The following CCSER1 variants were observed in gnomAD, a reference collection of about 807,000 sequenced individuals.
CCSER1 encodes coiled-coil serine rich protein 1, also known as serine-rich coiled-coil domain-containing protein 1.
Under a neutral mutation model 82.0 loss-of-function variants are expected in CCSER1, and 41 were observed. That is an observed-to-expected ratio of 0.50 (90% CI 0.39 to 0.65). The LOEUF is 0.65. Among genes scored for constraint, CCSER1 ranks in the 30% least tolerant of loss-of-function variants. The pLI, the probability that CCSER1 is intolerant of heterozygous loss-of-function variation, is 0.00. For missense variants in CCSER1, 1,119 were observed against 1,064.2 expected (o/e 1.05, Z -0.72); for synonymous variants, 414 against 383.9 (o/e 1.08, Z -0.92).
At chr4:90,474,097 C>T (rs534482937) in intron 5 of CCSER1, among the ~76,000 whole-genome samples, 13 of 150,472 alleles carry the variant, frequency 8.6e-5, no homozygotes, top group African/African-American at 2.7e-4. Context: ...GCCGAGATTG[C>T]GCCACTGCAC....
At chr4:91,338,090 A>T (rs139139431) in intron 10 of CCSER1, among the ~76,000 whole-genome samples, 112 of 151,968 alleles carry the variant, frequency 7.4e-4, no homozygotes, top group African/African-American at 2.6e-3. Context: ...GTGAACACTG[A>T]CTCTTTAGGT....
At chr4:91,579,722 T>A (rs1323333118) in intron 10 of CCSER1, among the ~76,000 whole-genome samples, 1 of 151,806 alleles carries the variant, frequency 6.6e-6, no homozygotes, top group East Asian at 1.9e-4. Context: ...CTGCAATGAC[T>A]AATACCACAT....
At position 91,166,000 on chromosome 4, in the gene CCSER1, C is replaced by A. The variant is rs190447999; in HGVS notation, c.2217+80006C>A. Among the ~76,000 whole-genome samples, 62 of 152,280 alleles carry A rather than the reference C, an allele frequency of 4.1e-4. 2 individuals carry two copies. The South Asian group carries it at 0.013, about 31-fold the overall frequency. ...CCTCAGTAGGAAATGCAGAAATCAC[C>A]GTTTTCTGCGTTGATCACGCTGGGA... On this transcript the variant is annotated intron_variant, in intron 10 of 10. Coordinates refer to ENST00000509176, the MANE Select transcript of CCSER1 (RefSeq NM_001145065.2).
At chr4:91,558,660 C>T (rs1762513544) in intron 10 of CCSER1, among the ~76,000 whole-genome samples, 1 of 151,520 alleles carries the variant, frequency 6.6e-6, no homozygotes, top group Non-Finnish European at 1.5e-5. Flanking sequence ...ACATTTCTTA[C>T]ATGGTGGTGG....
chr4:90,157,929 C>T (rs185733131), intron 1 of CCSER1, among the ~76,000 whole-genome samples: 96 of 152,292 alleles, frequency 6.3e-4, no homozygotes, highest in African/African-American at 2.2e-3. Context: ...AACTATGTTC[C>T]TTTGGAGGAG....
intron 10 of CCSER1, among the ~76,000 whole-genome samples, chr4:91,102,093 G>T (rs1725127442): frequency 6.6e-6 from 1 of 152,012 alleles, no homozygotes; most frequent in African/African-American, 2.4e-5. Flanking sequence ...CGTGCAGATC[G>T]GTTTCAATTC....
intron 1 of CCSER1, among the ~76,000 whole-genome samples, chr4:90,135,462 C>T (rs529769142): frequency 6.6e-6 from 1 of 152,162 alleles, no homozygotes. Context: ...CCAGCAGACA[C>T]CAGAAAACAC....
chr4:90,361,228 A>C (rs1216894437), intron 3 of CCSER1, among the ~76,000 whole-genome samples: 1 of 152,230 alleles, frequency 6.6e-6, no homozygotes, highest in Admixed American at 6.5e-5. Flanking sequence ...AAAGTTAATT[A>C]TTAATTTACC....
chr4:90,739,859 G>T (rs1373635449), intron 7 of CCSER1, among the ~76,000 whole-genome samples: 1 of 152,150 alleles, frequency 6.6e-6, no homozygotes, highest in Non-Finnish European at 1.5e-5. Flanking sequence ...GGTGGTGTAG[G>T]TAATTCAAAA....
chr4:91,034,009 G>A (rs1175633582), intron 9 of CCSER1, among the ~76,000 whole-genome samples: 1 of 152,074 alleles, frequency 6.6e-6, no homozygotes, highest in Non-Finnish European at 1.5e-5. Flanking sequence ...AGCACCCTTT[G>A]GAATTGGTTT....
chr4:90,359,922 ATT>A (rs200405709), intron 3 of CCSER1, among the ~76,000 whole-genome samples: 11 of 136,590 alleles, frequency 8.1e-5, no homozygotes, highest in African/African-American at 2.4e-4. Flanking sequence ...TATGTATATA[ATT>A]TTTTTTTTTT....
intron 5 of CCSER1, among the ~76,000 whole-genome samples, chr4:90,479,788 T>G (rs185456989): frequency 0.015 from 2,351 of 152,328 alleles, 39 homozygotes; most frequent in African/African-American, 0.045. Flanking sequence ...GTTGGACATT[T>G]GGGTTGGGTC....
intron 9 of CCSER1, among the ~76,000 whole-genome samples, chr4:91,015,659 T>A (rs1008176427): frequency 4.6e-5 from 7 of 151,906 alleles, no homozygotes; most frequent in African/African-American, 1.7e-4. Flanking sequence ...AACAGGTACC[T>A]ATTATAAAAT....
chr4:90,142,827 T>C (rs1045653133), intron 1 of CCSER1, among the ~76,000 whole-genome samples: 11 of 152,168 alleles, frequency 7.2e-5, no homozygotes, highest in African/African-American at 2.7e-4. Flanking sequence ...AAAATTGTTA[T>C]GGTTTTGGTT....
chr4:91,004,606 T>A (rs1043562281), intron 9 of CCSER1, among the ~76,000 whole-genome samples: 1 of 152,192 alleles, frequency 6.6e-6, no homozygotes, highest in African/African-American at 2.4e-5. Flanking sequence ...AAAAGGTGCC[T>A]GAGTATGTGA....
intron 10 of CCSER1, among the ~76,000 whole-genome samples, chr4:91,480,040 G>A (rs369742415): frequency 6.8e-6 from 1 of 146,912 alleles, no homozygotes; most frequent in Admixed American, 6.9e-5. Flanking sequence ...ATGATTTCCA[G>A]TTTCATCCAT....
chr4:90,815,888 C>A, intron 8 of CCSER1, 43 bp downstream of exon 8: 2 of 1,390,328 alleles, frequency 1.4e-6, no homozygotes, highest in Non-Finnish European at 2.0e-6. Flanking sequence ...ACTTTACTTT[C>A]AAGGTTATTT....
intron 10 of CCSER1, among the ~76,000 whole-genome samples, chr4:91,387,918 A>G (rs1220066509): frequency 6.6e-6 from 1 of 152,096 alleles, no homozygotes; most frequent in African/African-American, 2.4e-5. Context: ...ACTTTAGACT[A>G]TTATTCATGA....
At chr4:91,080,945 C>T (rs1056597569) in intron 9 of CCSER1, among the ~76,000 whole-genome samples, 2 of 152,074 alleles carry the variant, frequency 1.3e-5, no homozygotes, top group African/African-American at 4.8e-5. Context: ...AGTCCAGGAC[C>T]AGACGGATTC....
Sources: gnomAD v4.1 joint callset for allele counts (sites outside exome capture counted in the v4.1 genomes callset) on GRCh38, gnomAD v4.1.1 for gene constraint, MANE v1.5 for transcripts, NCBI Gene and HGNC (gene_info 2026-07-23, HGNC 2026-07-21) for gene names.